The following SLC8A1 variants were observed in gnomAD, a reference collection of about 807,000 sequenced individuals.
SLC8A1 encodes the protein sodium/calcium exchanger 1.
Under a neutral mutation model 68.3 loss-of-function variants are expected in SLC8A1, and 18 were observed. The observed-to-expected ratio is 0.26, with a 90% CI of 0.18 to 0.39. The LOEUF is 0.39. Among genes scored for constraint, SLC8A1 ranks in the 10% least tolerant of loss-of-function variants. SLC8A1 has a pLI of 1.00. For synonymous variants in SLC8A1, 475 were observed against 415.5 expected, an observed-to-expected ratio of 1.14 and a Z score of -1.74; for missense variants, 985 against 1,156.7, an observed-to-expected ratio of 0.85 and a Z score of 2.15.
At chr2:40,472,175 T>C (rs1704026168) in intron 1 of SLC8A1, among the ~76,000 whole-genome samples, 1 of 152,170 alleles carries the variant, frequency 6.6e-6, no homozygotes, top group African/African-American at 2.4e-5. Flanking sequence ...AACCTTGCAG[T>C]AAACTTACAC....
At chr2:40,323,044 CACTT>C (rs763107298) in intron 2 of SLC8A1, among the ~76,000 whole-genome samples, 2 of 152,042 alleles carry the variant, frequency 1.3e-5, no homozygotes, top group African/African-American at 2.4e-5. Flanking sequence ...GATTATATAA[CACTT>C]AAACTAATGA....
At chr2:40,193,634 A>G (rs2052333109) in intron 2 of SLC8A1, among the ~76,000 whole-genome samples, 1 of 152,098 alleles carries the variant, frequency 6.6e-6, no homozygotes, top group African/African-American at 2.4e-5. Flanking sequence ...GAAATGCTAA[A>G]TCATGTGGGC....
intron 2 of SLC8A1, among the ~76,000 whole-genome samples, chr2:40,270,968 T>C (rs1460185577): frequency 6.6e-6 from 1 of 152,140 alleles, no homozygotes; most frequent in Admixed American, 6.5e-5. Flanking sequence ...GCCACCATCG[T>C]CATCCTGGCC....
At chr2:40,421,112 C>T (rs1695387167) in intron 2 of SLC8A1, among the ~76,000 whole-genome samples, 1 of 149,940 alleles carries the variant, frequency 6.7e-6, no homozygotes, top group East Asian at 2.0e-4. Flanking sequence ...CCACTACCGC[C>T]ATCATCTCCA....
chr2:40,448,640 T>G (rs1393922982), intron 1 of SLC8A1, among the ~76,000 whole-genome samples: 1 of 152,194 alleles, frequency 6.6e-6, no homozygotes, highest in Non-Finnish European at 1.5e-5. Context: ...GATAGGATTC[T>G]GGAACCCAGA....
intron 1 of SLC8A1, among the ~76,000 whole-genome samples, chr2:40,484,530 C>T (rs78942822): frequency 0.038 from 5,742 of 152,278 alleles, 240 homozygotes; most frequent in Admixed American, 0.1. Context: ...ATAAATAGCA[C>T]CCCTTAGCAC....
intron 2 of SLC8A1, among the ~76,000 whole-genome samples, chr2:40,424,660 C>G (rs1372671879): frequency 6.6e-6 from 1 of 151,796 alleles, no homozygotes; most frequent in East Asian, 1.9e-4. Context: ...ATATGTTATA[C>G]TATGACTAGG....
At chr2:40,123,226 A>G (rs2037314045) in intron 7 of SLC8A1, 2 of 152,244 alleles carry the variant, frequency 1.3e-5, no homozygotes, top group East Asian at 3.8e-4. Flanking sequence ...GTCCAAGGAA[A>G]ATATCAAGAA....
intron 2 of SLC8A1, among the ~76,000 whole-genome samples, chr2:40,227,291 G>A (rs1026100452): frequency 1.3e-5 from 2 of 151,964 alleles, no homozygotes; most frequent in African/African-American, 4.8e-5. Context: ...CTTCCCTACT[G>A]TTTTTCTTTC....
chr2:40,401,645 GAAA>G (rs68092033), intron 2 of SLC8A1, among the ~76,000 whole-genome samples: 1 of 143,278 alleles, frequency 7.0e-6, no homozygotes, highest in Non-Finnish European at 1.5e-5. Context: ...CACATTAAGT[GAAA>G]AAAAAAAAAA....
At chr2:40,287,253 T>A (rs2068468688) in intron 2 of SLC8A1, among the ~76,000 whole-genome samples, 1 of 152,158 alleles carries the variant, frequency 6.6e-6, no homozygotes, top group African/African-American at 2.4e-5. Flanking sequence ...ACAAATATAA[T>A]AATTAGAGAA....
At chr2:40,291,268 G>C (rs919261347) in intron 2 of SLC8A1, among the ~76,000 whole-genome samples, 4 of 152,086 alleles carry the variant, frequency 2.6e-5, no homozygotes, top group African/African-American at 9.7e-5. Flanking sequence ...TATTGAGAAG[G>C]CTTGTCCAAA....
intron 2 of SLC8A1, among the ~76,000 whole-genome samples, chr2:40,221,807 C>A (rs1004180985): frequency 1.3e-5 from 2 of 152,108 alleles, no homozygotes; most frequent in Non-Finnish European, 2.9e-5. Flanking sequence ...CCTAGAAATA[C>A]AGCTTACAAG....
intron 2 of SLC8A1, among the ~76,000 whole-genome samples, chr2:40,252,038 C>CTAAATTGTTGAGCAAACAA (rs2062840899): frequency 6.6e-6 from 1 of 152,074 alleles, no homozygotes; most frequent in Non-Finnish European, 1.5e-5. Flanking sequence ...TACAAATCTG[C>CTAAATTGTTGAGCAAACAA]TAAATTGTTG....
rs1411897327 is a variant in SLC8A1 at position 40,337,593 on chromosome 2, C to T, written c.1808+90880G>A. Among the ~76,000 whole-genome samples the T allele has an allele frequency of 2.0e-5, 3 of 152,250 alleles. No homozygotes were observed. In the East Asian group the frequency reaches 5.8e-4, roughly 29 times the overall value. On this transcript the variant is annotated intron_variant, in intron 2 of 7. Transcript: ENST00000406785. ...GGTATTACTTGGTATGGATTCATCT[C>T]CTTATTTTCTGTTTTGCTTTTCTCT...
At chr2:40,188,070 C>T (rs888575928) in intron 2 of SLC8A1, among the ~76,000 whole-genome samples, 2 of 152,080 alleles carry the variant, frequency 1.3e-5, no homozygotes, top group African/African-American at 2.4e-5. Flanking sequence ...CATAGGGTAC[C>T]ATGTTGAAAT....
At chr2:40,170,484 A>T in intron 4 of SLC8A1, 135 bp from the exon 7 acceptor site, 1 of 720,348 alleles carries the variant, frequency 1.4e-6, no homozygotes, top group South Asian at 1.7e-5. Flanking sequence ...GGATTCAATG[A>T]TCATAGGTCA....
chr2:40,169,015 T>C (rs932455722), intron 4 of SLC8A1, among the ~76,000 whole-genome samples: 6 of 152,232 alleles, frequency 3.9e-5, no homozygotes, highest in Admixed American at 6.5e-5. Flanking sequence ...TCCTGAGTAA[T>C]TGATTTTGCA....
At chr2:40,314,059 A>T (rs1186682679) in intron 2 of SLC8A1, among the ~76,000 whole-genome samples, 1 of 152,058 alleles carries the variant, frequency 6.6e-6, no homozygotes, top group Non-Finnish European at 1.5e-5. Context: ...GTTTTGGATA[A>T]AGAATCTAGG....
Sources: allele counts gnomAD v4.1 joint callset (sites outside exome capture counted in the v4.1 genomes callset), GRCh38; gene constraint gnomAD v4.1.1; transcripts MANE v1.5; gene names NCBI Gene and HGNC (gene_info 2026-07-23, HGNC 2026-07-21).